Variants in NCALD observed in about 807,000 individuals in gnomAD.
NCALD encodes the protein neurocalcin-delta.
In NCALD, 10 loss-of-function variants were observed where a neutral mutation model predicts 18.6. The ratio of observed to expected loss-of-function variants is 0.54; its 90% CI spans 0.33 to 0.91. The LOEUF (loss-of-function observed/expected upper bound fraction) is 0.91. Among genes scored for constraint, NCALD ranks in the 40% least tolerant of loss-of-function variants. NCALD has a pLI of 0.03. For missense variants in NCALD, 184 were observed against 247.6 expected, an observed-to-expected ratio of 0.74 and a Z score of 1.72; for synonymous variants, 88 against 87.4, an observed-to-expected ratio of 1.01 and a Z score of -0.04.
At chr8:102,078,015 T>C (rs774747662) in intron 1 of NCALD, among the ~76,000 whole-genome samples, 1 of 152,182 alleles carries the variant, frequency 6.6e-6, no homozygotes, top group Non-Finnish European at 1.5e-5. Context: ...ACAGATTCAT[T>C]TGGAGACCAG....
intron 1 of NCALD, among the ~76,000 whole-genome samples, chr8:101,774,823 A>G (rs1268981819): frequency 3.3e-5 from 5 of 152,178 alleles, no homozygotes; most frequent in African/African-American, 1.2e-4. Flanking sequence ...GGCTCTCTCT[A>G]TCTACTATAA....
intron 2 of NCALD, among the ~76,000 whole-genome samples, chr8:101,927,181 T>C (rs979047130): frequency 2.6e-5 from 4 of 152,210 alleles, no homozygotes; most frequent in African/African-American, 4.8e-5. Flanking sequence ...CACCTCATTT[T>C]ACCTCTTCAC....
At chr8:101,877,536 G>C (rs985394247) in intron 4 of NCALD, among the ~76,000 whole-genome samples, 7 of 152,222 alleles carry the variant, frequency 4.6e-5, no homozygotes, top group African/African-American at 1.7e-4. Context: ...ATTAGTCAGA[G>C]ATAGTCTGCA....
At chr8:101,944,015 T>A (rs924061504) in intron 2 of NCALD, among the ~76,000 whole-genome samples, 2 of 152,116 alleles carry the variant, frequency 1.3e-5, no homozygotes, top group Admixed American at 6.5e-5. Flanking sequence ...CAACTTGTCC[T>A]GCTTACTCTA....
At chr8:101,857,243 T>C (rs527279453) in intron 4 of NCALD, among the ~76,000 whole-genome samples, 3 of 152,302 alleles carry the variant, frequency 2.0e-5, no homozygotes, top group African/African-American at 7.2e-5. Context: ...CTCTGTCTCC[T>C]TTTAGATTCA....
At chr8:102,096,229 C>G (rs955216927) in intron 1 of NCALD, among the ~76,000 whole-genome samples, 2 of 152,196 alleles carry the variant, frequency 1.3e-5, no homozygotes, top group African/African-American at 2.4e-5. Context: ...TGGCTTCTCA[C>G]AACCACAGGG....
chr8:101,844,602 C>T (rs919314456), intron 4 of NCALD, among the ~76,000 whole-genome samples: 16 of 152,208 alleles, frequency 1.1e-4, no homozygotes, highest in Non-Finnish European at 1.8e-4. Context: ...CTCAAGTGAT[C>T]CTCTCACCTC....
At chr8:101,855,093 G>A (rs16868551) in intron 4 of NCALD, among the ~76,000 whole-genome samples, 2,043 of 152,258 alleles carry the variant, frequency 0.013, 56 homozygotes, top group African/African-American at 0.044. Flanking sequence ...AGTCAGAGAA[G>A]ACACGTGGAA....
At chr8:102,039,460 A>C (rs1822977290) in intron 1 of NCALD, among the ~76,000 whole-genome samples, 1 of 152,142 alleles carries the variant, frequency 6.6e-6, no homozygotes, top group Admixed American at 6.5e-5. Flanking sequence ...AATCACTGAC[A>C]TTTGTCTAAT....
In NCALD at chr8:102,037,099, G is replaced by A. The variant is rs533483367; in HGVS notation, c.-209-16810C>T. ...AGTTAAATAAATTACATCTCCCTCA[G>A]AAGATAGAATTGTACGTAACCACTA... On this transcript the variant is annotated intron_variant, in intron 1 of 6. Coordinates refer to the NCALD transcript ENST00000311028. Among the ~76,000 whole-genome samples, 145 of 152,238 alleles carry A rather than the reference G, an allele frequency of 9.5e-4. 5 individuals carry two copies. In the South Asian group the frequency reaches 0.029, roughly 31 times the overall value.
intron 1 of NCALD, among the ~76,000 whole-genome samples, chr8:102,065,510 G>A (rs944797658): frequency 2.0e-5 from 3 of 152,146 alleles, no homozygotes; most frequent in East Asian, 1.9e-4. Context: ...ACATTGCAGC[G>A]AGAGACACAA....
At chr8:101,697,230 C>T (rs1048674322) in intron 2 of NCALD, among the ~76,000 whole-genome samples, 1 of 152,004 alleles carries the variant, frequency 6.6e-6, no homozygotes, top group Non-Finnish European at 1.5e-5. Context: ...ATACACCCTC[C>T]CAAGACTAAA....
intron 2 of NCALD, among the ~76,000 whole-genome samples, chr8:101,947,116 C>A (rs566078390): frequency 6.6e-6 from 1 of 152,078 alleles, no homozygotes; most frequent in Non-Finnish European, 1.5e-5. Context: ...TCAGCACAAT[C>A]CTGAAGACAA....
intron 4 of NCALD, among the ~76,000 whole-genome samples, chr8:101,828,121 C>T (rs1240866601): frequency 1.3e-5 from 2 of 152,192 alleles, no homozygotes; most frequent in Non-Finnish European, 2.9e-5. Flanking sequence ...TGCCCTGTCT[C>T]CTTACAGCTC....
chr8:101,962,143 T>A (rs1359644251), intron 2 of NCALD, among the ~76,000 whole-genome samples: 2 of 152,118 alleles, frequency 1.3e-5, no homozygotes, highest in East Asian at 3.9e-4. Flanking sequence ...CCCATAATAA[T>A]CTCCTCAGTG....
intron 1 of NCALD, among the ~76,000 whole-genome samples, chr8:101,731,570 G>C (rs1416152275): frequency 1.1e-4 from 16 of 152,102 alleles, no homozygotes; most frequent in Non-Finnish European, 5.9e-5. Flanking sequence ...ATGTGAGTTT[G>C]GCATTTGCTA....
chr8:101,855,983 G>A (rs1332059869), intron 4 of NCALD, among the ~76,000 whole-genome samples: 2 of 152,122 alleles, frequency 1.3e-5, no homozygotes, highest in Non-Finnish European at 2.9e-5. Flanking sequence ...ATCTTGCTGT[G>A]ACACCCTCAG....
At chr8:101,894,775 A>C (rs1409649995) in intron 3 of NCALD, among the ~76,000 whole-genome samples, 1 of 151,212 alleles carries the variant, frequency 6.6e-6, no homozygotes, top group African/African-American at 2.5e-5. Flanking sequence ...GAAATGGATA[A>C]ATTCCTCAAC....
chr8:101,911,246 G>T (rs1817782040), intron 3 of NCALD, among the ~76,000 whole-genome samples: 2 of 145,894 alleles, frequency 1.4e-5, no homozygotes, highest in Non-Finnish European at 3.0e-5. Context: ...GTAGAGAAAA[G>T]AAAAATATAG....
Sources: allele counts gnomAD v4.1 joint callset (sites outside exome capture counted in the v4.1 genomes callset), GRCh38; gene constraint gnomAD v4.1.1; transcripts MANE v1.5; gene names NCBI Gene and HGNC (gene_info 2026-07-23, HGNC 2026-07-21).